PIK3CA: variants seen among roughly 807,000 people sequenced by gnomAD.
PIK3CA encodes phosphatidylinositol-4,5-bisphosphate 3-kinase catalytic subunit alpha.
In PIK3CA, 27 loss-of-function variants were observed where a neutral mutation model predicts 138.2. That is an observed-to-expected ratio of 0.20 (90% CI 0.14 to 0.27). PIK3CA has a LOEUF of 0.27. Among genes scored for constraint, PIK3CA ranks in the 10% least tolerant of loss-of-function variants. The pLI is 1.00. For missense variants in PIK3CA, 544 were observed against 1,277.4 expected (o/e 0.43, Z 8.75); for synonymous variants, 358 against 413.2 (o/e 0.87, Z 1.62).
At chr3:179,177,103 A>G (rs1469958297) in intron 1 of PIK3CA, among the ~76,000 whole-genome samples, 1 of 152,032 alleles carries the variant, frequency 6.6e-6, no homozygotes, top group Non-Finnish European at 1.5e-5. Context: ...AGCCTTTTAA[A>G]ATTCTTATTG....
intron 1 of PIK3CA, among the ~76,000 whole-genome samples, chr3:179,176,128 C>G (rs1482649250): frequency 1.3e-5 from 2 of 152,084 alleles, no homozygotes; most frequent in African/African-American, 2.4e-5. Flanking sequence ...GACTTTGGGT[C>G]TCTTTAGAGT....
chr3:179,194,036 T>C (rs1017647379), intron 1 of PIK3CA, among the ~76,000 whole-genome samples: 6 of 152,202 alleles, frequency 3.9e-5, no homozygotes, highest in Non-Finnish European at 5.9e-5. Context: ...TAAAATGTTA[T>C]ATATTCTGAT....
intron 6 of PIK3CA, among the ~76,000 whole-genome samples, chr3:179,206,517 G>A (rs761109462): frequency 9.2e-5 from 14 of 152,060 alleles, no homozygotes; most frequent in Non-Finnish European, 1.8e-4. Context: ...CTATAAACCC[G>A]TCAATCCAAG....
intron 1 of PIK3CA, among the ~76,000 whole-genome samples, chr3:179,161,395 G>T (rs1005971194): frequency 6.6e-6 from 1 of 152,146 alleles, no homozygotes; most frequent in East Asian, 1.9e-4. Flanking sequence ...ATAGGAGAAA[G>T]AAACATAAAT....
rs1316102713 is a variant in PIK3CA, at chr3:179,239,601, T to C, written c.*5237T>C. ...AGTGTGATTCAGTCCTCAGACCTAATTGGGTTGAATAAAATCTAAAAGAAT... is the reference window on the plus strand; with the variant it reads ...AGTGTGATTCAGTCCTCAGACCTAACTGGGTTGAATAAAATCTAAAAGAAT... On this transcript the variant is annotated 3_prime_UTR_variant, in exon 21 of 21. Transcript: ENST00000263967. The C allele has an allele frequency of 8.2e-5, 19 of 232,284 alleles. No individual in the cohort carries two copies. In the East Asian group the frequency reaches 9.5e-4, roughly 12 times the overall value. The allele number at this position is 232,284 out of a possible 1,614,324, so 14.4% of individuals were successfully genotyped here. A position where few individuals can be genotyped will look rare whatever the true frequency, so the allele number is the denominator to read the frequency against.
At chr3:179,182,095 A>G (rs1010977370) in intron 1 of PIK3CA, among the ~76,000 whole-genome samples, 3 of 152,044 alleles carry the variant, frequency 2.0e-5, no homozygotes, top group African/African-American at 7.2e-5. Flanking sequence ...AAAGTTTTAG[A>G]TCTTAAAGTT....
chr3:179,236,367 T>C lies in PIK3CA; in HGVS notation c.*2003T>C. On this transcript the variant is annotated 3_prime_UTR_variant, in exon 21 of 21. Transcript: ENST00000263967. ...GAAACCAGAAAGATTATTTTGCAGT[T>C]GTAGAAGATTTCATAACTTATTAAA... 1 of 210,866 alleles carries C rather than the reference T, an allele frequency of 4.7e-6. No homozygotes were observed. The highest frequency in any genetic ancestry group is 9.6e-6 in the Non-Finnish European group (1 of 103,902). The allele number at this position is 210,866 out of a possible 1,614,324, so 13.1% of individuals were successfully genotyped here.
At chr3:179,213,549 AGAC>A (rs1275887194) in intron 9 of PIK3CA, among the ~76,000 whole-genome samples, 1 of 152,214 alleles carries the variant, frequency 6.6e-6, no homozygotes, top group Non-Finnish European at 1.5e-5. Context: ...AGTTTCTTTA[AGAC>A]GACAGTGAAG....
At chr3:179,154,631 CTA>C (rs1723089977) in intron 1 of PIK3CA, among the ~76,000 whole-genome samples, 1 of 152,088 alleles carries the variant, frequency 6.6e-6, no homozygotes, top group East Asian at 1.9e-4. Flanking sequence ...GTGTCTTTTT[CTA>C]TATTGATACA....
chr3:179,165,591 G>A (rs905473111), intron 1 of PIK3CA, among the ~76,000 whole-genome samples: 1 of 152,102 alleles, frequency 6.6e-6, no homozygotes, highest in African/African-American at 2.4e-5. Flanking sequence ...TCCCTCTCAT[G>A]ATCCTTACGC....
At chr3:179,157,795 T>C (rs1281205875) in intron 1 of PIK3CA, among the ~76,000 whole-genome samples, 2 of 152,128 alleles carry the variant, frequency 1.3e-5, no homozygotes, top group East Asian at 3.9e-4. Flanking sequence ...ATTAAGAGCA[T>C]GTTCTCTAGA....
At chr3:179,215,027 T>C (rs1240717447) in intron 9 of PIK3CA, among the ~76,000 whole-genome samples, 1 of 152,180 alleles carries the variant, frequency 6.6e-6, no homozygotes, top group East Asian at 1.9e-4. Flanking sequence ...ACTTTTTCTT[T>C]GGCTTTGTTG....
In PIK3CA at chr3:179,225,933, AATGGTGATACAT is replaced by A; in HGVS notation, c.2417-26_2417-15del. On this transcript the variant is annotated splice_polypyrimidine_tract_variant and intron_variant, in intron 16 of 20. Coordinates refer to ENST00000263967, the MANE Select transcript of PIK3CA (RefSeq NM_006218.4). ...CCCCAAATTTGCATCTGTGGCATTAAATGGTGATACATATTATTTGAATTTCAGATTTACGGC... is the reference window on the plus strand; with the variant it reads ...CCCCAAATTTGCATCTGTGGCATTAAATTATTTGAATTTCAGATTTACGGC... 1 of 1,186,792 alleles carries A rather than the reference AATGGTGATACAT, an allele frequency of 8.4e-7. No homozygotes were observed. The highest frequency in any genetic ancestry group is 1.3e-6 in the Non-Finnish European group (1 of 796,902). The allele number at this position is 1,186,792 out of a possible 1,614,324, so 73.5% of individuals were successfully genotyped here. A position where few individuals can be genotyped will look rare whatever the true frequency, so the allele number is the denominator to read the frequency against.
At chr3:179,153,780 A>G (rs1409461772) in intron 1 of PIK3CA, among the ~76,000 whole-genome samples, 1 of 151,020 alleles carries the variant, frequency 6.6e-6, no homozygotes, top group African/African-American at 2.4e-5. Context: ...TTTTATAAGT[A>G]ACTTATTCGA....
Position 179,201,525 on chromosome 3 carries a change from T to A in PIK3CA, c.798T>A (p.Pro266=), listed in dbSNP as rs2108390166. The change falls in exon 4 of 21, where the codon CCT becomes CCA. Residue 266 remains proline, a synonymous_variant. Transcript: ENST00000263967. ...ATGAATACTTCCTAGAAAAATATCC[T>A]CTGAGTCAGTATAAGGTGAGTAACA... ...GCDEYFLEKY[P]LSQYKYIRSC... 6.2e-7 allele frequency: 1 copy of A among 1,600,878 alleles called. No homozygotes were observed. The highest frequency in any genetic ancestry group is 1.3e-5 in the African/African-American group (1 of 74,710).
intron 1 of PIK3CA, among the ~76,000 whole-genome samples, chr3:179,186,211 T>G (rs968199755): frequency 2.0e-5 from 3 of 152,224 alleles, no homozygotes; most frequent in African/African-American, 7.2e-5. Flanking sequence ...AAATATGTAT[T>G]TCACAATATC....
chr3:179,170,074 GCGCACACA>G (rs1012713667), intron 1 of PIK3CA, among the ~76,000 whole-genome samples: 2,821 of 119,988 alleles, frequency 0.024, 96 homozygotes, highest in African/African-American at 0.069. Flanking sequence ...ACACGCGCGC[GCGCACACA>G]CACACACACA....
intron 1 of PIK3CA, among the ~76,000 whole-genome samples, chr3:179,154,010 C>T (rs1723072591): frequency 6.6e-6 from 1 of 152,060 alleles, no homozygotes; most frequent in Non-Finnish European, 1.5e-5. Flanking sequence ...TCAGTTGATC[C>T]TGGTTAAGGA....
At chr3:179,164,825 C>T (rs745326644) in intron 1 of PIK3CA, among the ~76,000 whole-genome samples, 1 of 151,722 alleles carries the variant, frequency 6.6e-6, no homozygotes, top group Non-Finnish European at 1.5e-5. Flanking sequence ...GCCAAGATTG[C>T]GCCATTGTAC....
Sources: gnomAD v4.1 joint callset for allele counts (sites outside exome capture counted in the v4.1 genomes callset) on GRCh38, gnomAD v4.1.1 for gene constraint, MANE v1.5 for transcripts, NCBI Gene and HGNC (gene_info 2026-07-23, HGNC 2026-07-21) for gene names.